Variants in STX6 observed in about 807,000 individuals in gnomAD.
STX6 encodes syntaxin 6.
STX6 carries 23 observed loss-of-function variants against 38.0 expected under a neutral mutation model. The observed-to-expected ratio is 0.60, with a 90% confidence interval of 0.43 to 0.86. STX6 has a LOEUF of 0.86. STX6 is among the 40% of genes least tolerant of loss of function. The pLI, the probability that STX6 is intolerant of heterozygous loss-of-function variation, is 0.00. For missense variants in STX6, 274 were observed against 312.9 expected, an observed-to-expected ratio of 0.88 and a Z score of 0.94; for synonymous variants, 123 against 107.5, an observed-to-expected ratio of 1.14 and a Z score of -0.89.
At position 181,022,633 on chromosome 1, in the gene STX6, A is replaced by T; in HGVS notation, c.35+6T>A. 1 of 1,608,690 alleles carries T rather than the reference A, an allele frequency of 6.2e-7. No homozygotes were observed. The highest frequency in any genetic ancestry group is 1.1e-5 in the South Asian group (1 of 90,252). The stretch of plus-strand genomic sequence containing the variant: ...TCCTCCGGTGGAGCGCTCGGCCGAC[A>T]CTCACCCTTTCACCACAAAGAAGGG... On this transcript the variant is annotated splice_donor_region_variant and intron_variant, in intron 1 of 7. Coordinates refer to ENST00000258301, the MANE Select transcript of STX6 (RefSeq NM_005819.6).
chr1:180,985,964 G>A lies in STX6; in HGVS notation c.597-1193C>T, dbSNP rs117437443. ...ATGTTGACAACTAAAATAAGTCTTT[G>A]TCCCTTACCTAAATTTTCAAATTAA... On this transcript the variant is annotated intron_variant, in intron 6 of 7. Coordinates refer to ENST00000258301, the MANE Select transcript of STX6 (RefSeq NM_005819.6). 3.9e-5 allele frequency among the ~76,000 whole-genome samples: 6 copies of A among 152,296 alleles called. No homozygotes were observed. In the East Asian group the frequency reaches 1.2e-3, roughly 29 times the overall value.
chr1:181,014,136 G>A (rs1354136751), intron 1 of STX6, among the ~76,000 whole-genome samples: 3 of 152,104 alleles, frequency 2.0e-5, no homozygotes, highest in South Asian at 2.1e-4. Context: ...GGTGGCTCAC[G>A]CCTGTAATCC....
intron 7 of STX6, among the ~76,000 whole-genome samples, chr1:180,983,559 G>A (rs1001914146): frequency 7.2e-5 from 11 of 152,172 alleles, no homozygotes. Flanking sequence ...CAAATTTGCT[G>A]AAATATTTCA....
At chr1:181,001,120 G>A (rs957074736) in intron 3 of STX6, among the ~76,000 whole-genome samples, 1 of 152,092 alleles carries the variant, frequency 6.6e-6, no homozygotes, top group Non-Finnish European at 1.5e-5. Flanking sequence ...GGCAACTAAT[G>A]AATAAAACAA....
chr1:180,992,660 C>T (rs1655786680), intron 4 of STX6, among the ~76,000 whole-genome samples: 1 of 152,186 alleles, frequency 6.6e-6, no homozygotes, highest in Non-Finnish European at 1.5e-5. Flanking sequence ...CAAAAAAAGT[C>T]TAAATCAAAT....
intron 1 of STX6, among the ~76,000 whole-genome samples, chr1:181,007,959 T>C (rs567791854): frequency 9.0e-4 from 137 of 152,380 alleles, no homozygotes; most frequent in South Asian, 3.3e-3. Flanking sequence ...TATCCACTTC[T>C]ACCATCAGTC....
chr1:180,988,191 C>T (rs1655643669), intron 6 of STX6, 48 bp downstream of exon 6: 1 of 1,416,876 alleles, frequency 7.1e-7, no homozygotes, highest in South Asian at 1.2e-5. Flanking sequence ...CATAGGATGG[C>T]TCTGCCCCTC....
At chr1:181,002,452 C>A (rs1199930088) in intron 3 of STX6, among the ~76,000 whole-genome samples, 154 bp downstream of exon 3, 1 of 152,046 alleles carries the variant, frequency 6.6e-6, no homozygotes, top group Non-Finnish European at 1.5e-5. Flanking sequence ...CCATGCGCAG[C>A]CAATCAGAGA....
chr1:181,018,893 C>G (rs1383084215), intron 1 of STX6, among the ~76,000 whole-genome samples: 1 of 152,120 alleles, frequency 6.6e-6, no homozygotes, highest in African/African-American at 2.4e-5. Flanking sequence ...ATAACTTGAC[C>G]CTATTTTACC....
At chr1:180,995,925 C>A (rs1019604777) in intron 3 of STX6, among the ~76,000 whole-genome samples, 15 of 152,096 alleles carry the variant, frequency 9.9e-5, no homozygotes, top group Admixed American at 9.8e-4. Context: ...TAACACCCTG[C>A]AATGCTTCTG....
chr1:180,972,728 T>C lies in STX6; in HGVS notation c.*3842A>G, dbSNP rs1655154699. 3 of 416,184 alleles carry C rather than the reference T, an allele frequency of 7.2e-6. No homozygotes were observed. Among genetic ancestry groups the C allele is most frequent in the Non-Finnish European group, 1.4e-5 (3 of 208,302 alleles). 25.8% of individuals were successfully genotyped at this position (416,184 alleles called of 1,614,324 possible). A position where few individuals can be genotyped will look rare whatever the true frequency, so the allele number is the denominator to read the frequency against. ...ATTCAGTCCTTTTCAAGTTGAATTCTTTTCAGGTTGTTTTATTTTCCTTTT... is the reference window on the plus strand; with the variant it reads ...ATTCAGTCCTTTTCAAGTTGAATTCCTTTCAGGTTGTTTTATTTTCCTTTT... On this transcript the variant is annotated 3_prime_UTR_variant, in exon 8 of 8. Coordinates refer to ENST00000258301, the MANE Select transcript of STX6 (RefSeq NM_005819.6).
chr1:180,994,649 T>C (rs548285815), intron 3 of STX6, among the ~76,000 whole-genome samples: 39 of 152,266 alleles, frequency 2.6e-4, no homozygotes, highest in African/African-American at 8.4e-4. Flanking sequence ...AAAGAATAGA[T>C]AGGTGGTTAC....
intron 7 of STX6, among the ~76,000 whole-genome samples, chr1:180,984,080 A>C (rs113134265): frequency 6.7e-6 from 1 of 148,640 alleles, no homozygotes; most frequent in African/African-American, 2.5e-5. Context: ...AAAAAAAAAA[A>C]AAAAAAAAAA....
At chr1:180,984,583 A>T (rs1423392846) in intron 7 of STX6, 94 bp downstream of exon 7, 5 of 508,562 alleles carry the variant, frequency 9.8e-6, no homozygotes, top group African/African-American at 2.0e-5. Flanking sequence ...AAAAATAAGA[A>T]AGGGATCTGG....
intron 7 of STX6, chr1:180,980,642 C>A (rs1162417904): frequency 1.5e-5 from 2 of 137,130 alleles, no homozygotes; most frequent in Non-Finnish European, 3.1e-5. Context: ...GCAACCTCTG[C>A]CTCCTGGGTT....
intron 2 of STX6, 72 bp from the exon 3 acceptor site, chr1:181,002,772 T>C: frequency 3.0e-6 from 3 of 1,005,734 alleles, no homozygotes; most frequent in South Asian, 1.4e-5. Flanking sequence ...TCACTGAATC[T>C]CTCACATGCA....
chr1:181,018,884 T>C (rs1026240408), intron 1 of STX6, among the ~76,000 whole-genome samples: 1 of 152,222 alleles, frequency 6.6e-6, no homozygotes, highest in Non-Finnish European at 1.5e-5. Flanking sequence ...TAGGCCAACA[T>C]AACTTGACCC....
intron 3 of STX6, among the ~76,000 whole-genome samples, chr1:180,995,373 A>G (rs1427781962): frequency 6.6e-6 from 1 of 152,180 alleles, no homozygotes; most frequent in African/African-American, 2.4e-5. Context: ...TTGTCTTACA[A>G]TGGAAATCTA....
intron 3 of STX6, among the ~76,000 whole-genome samples, chr1:180,993,647 A>G (rs550777174): frequency 5.9e-5 from 9 of 152,116 alleles, no homozygotes; most frequent in Non-Finnish European, 1.0e-4. Flanking sequence ...ATAGGAGGAA[A>G]GAGAAAGGAA....
Sources: allele counts gnomAD v4.1 joint callset (sites outside exome capture counted in the v4.1 genomes callset), GRCh38; gene constraint gnomAD v4.1.1; transcripts MANE v1.5; gene names NCBI Gene and HGNC (gene_info 2026-07-23, HGNC 2026-07-21).